The following LRP12 variants were observed in gnomAD, a reference collection of about 807,000 sequenced individuals.
LRP12 encodes the protein low-density lipoprotein receptor-related protein 12.
A neutral mutation model predicts 66.0 loss-of-function variants in LRP12; 14 were observed. That is an observed-to-expected ratio of 0.21 (90% confidence interval 0.14 to 0.33). The LOEUF is 0.33. Among genes scored for constraint, LRP12 ranks in the 10% least tolerant of loss-of-function variants. The probability of loss-of-function intolerance (pLI) is 1.00; values close to 1 mark genes in which losing one functional copy is unlikely to be tolerated. For missense variants in LRP12, 889 were observed against 1,053.4 expected (o/e 0.84, Z 2.16); for synonymous variants, 357 against 359.1 (o/e 0.99, Z 0.07).
chr8:104,491,156 ACT>A lies in LRP12; in HGVS notation c.2095_2096del (p.Ser699TyrfsTer8). 6.2e-7 allele frequency: 1 copy of A among 1,614,052 alleles called. No individual in the cohort carries two copies. The highest frequency in any genetic ancestry group is 8.5e-7 in the Non-Finnish European group (1 of 1,180,008). ...VGACASSSTQSTRGGHADNGR... is the reference protein window; with the variant it reads ...VGACASSSTQXTRGGHADNGR... ...CATTATCTGCATGACCACCTCGGGT[ACT>A]CTGAGTTGAGGAACTTGCACATGCT... On this transcript the variant is annotated frameshift_variant, in exon 7 of 7. Transcript: ENST00000276654. LOFTEE classifies it high-confidence loss of function.
chr8:104,530,155 A>G (rs995581716), intron 2 of LRP12, among the ~76,000 whole-genome samples: 2 of 152,190 alleles, frequency 1.3e-5, no homozygotes, highest in Non-Finnish European at 2.9e-5. Context: ...TAATTGAACT[A>G]ATGAGTTTTA....
Position 104,490,499 on chromosome 8 carries a change from C to T in LRP12, c.*174G>A. 1.6e-6 allele frequency: 1 copy of T among 637,944 alleles called. No homozygotes were observed. The highest frequency in any genetic ancestry group is 2.4e-5 in the South Asian group (1 of 42,098). The allele number at this position is 637,944 out of a possible 1,614,324, so 39.5% of individuals were successfully genotyped here. On this transcript the variant is annotated 3_prime_UTR_variant, in exon 7 of 7. Coordinates refer to ENST00000276654, the MANE Select transcript of LRP12 (RefSeq NM_013437.5). The stretch of plus-strand genomic sequence containing the variant: ...TTTTTAGCTGCTAAAATAGTAAACT[C>T]TAAGTTCATAGAGTTACAAGTTGTC...
chr8:104,512,013 TAA>T (rs1395412482), intron 2 of LRP12, among the ~76,000 whole-genome samples: 1 of 152,200 alleles, frequency 6.6e-6, no homozygotes, highest in Non-Finnish European at 1.5e-5. Context: ...TGTAATTCTT[TAA>T]GAGTTTATTA....
At chr8:104,566,510 C>T (rs1812006836) in intron 1 of LRP12, 1 of 155,580 alleles carries the variant, frequency 6.4e-6, no homozygotes, top group African/African-American at 2.4e-5. Context: ...ATACTATTGA[C>T]ATTTTATAAT....
At chr8:104,565,851 A>G (rs1427417689) in intron 1 of LRP12, among the ~76,000 whole-genome samples, 3 of 139,046 alleles carry the variant, frequency 2.2e-5, no homozygotes, top group Admixed American at 1.4e-4. Context: ...ACAGAGCAAG[A>G]CTCCATCTCA....
intron 2 of LRP12, among the ~76,000 whole-genome samples, chr8:104,530,958 AGGAAAC>A (rs1811317026): frequency 6.6e-6 from 1 of 151,862 alleles, no homozygotes. Flanking sequence ...TTGCGTTTTC[AGGAAAC>A]TAGGCTTGTT....
chr8:104,502,218 G>C (rs986469929), intron 3 of LRP12, among the ~76,000 whole-genome samples: 8 of 152,126 alleles, frequency 5.3e-5, no homozygotes, highest in African/African-American at 1.4e-4. Context: ...ATGACACACA[G>C]AGTTTCATTA....
At chr8:104,543,113 A>C (rs140784851) in intron 1 of LRP12, among the ~76,000 whole-genome samples, 8 of 151,928 alleles carry the variant, frequency 5.3e-5, no homozygotes, top group African/African-American at 9.7e-5. Context: ...AAGGAACTAA[A>C]CTTTTATATA....
chr8:104,565,860 C>CA (rs35650042), intron 1 of LRP12, among the ~76,000 whole-genome samples: 14,203 of 111,762 alleles, frequency 0.13, 1,026 homozygotes, highest in African/African-American at 0.22. Context: ...GACTCCATCT[C>CA]AAAAAAAAAA....
intron 1 of LRP12, among the ~76,000 whole-genome samples, chr8:104,545,476 T>C (rs1564140699): frequency 6.6e-6 from 1 of 152,176 alleles, no homozygotes; most frequent in Admixed American, 6.5e-5. Flanking sequence ...AGGTTTCTGA[T>C]GTGACAAACT....
chr8:104,588,237 C>T (rs971484160), intron 1 of LRP12, among the ~76,000 whole-genome samples: 3 of 152,202 alleles, frequency 2.0e-5, no homozygotes. Flanking sequence ...GCGTGCTGCT[C>T]CCGGGGAACC....
intron 1 of LRP12, among the ~76,000 whole-genome samples, chr8:104,554,557 C>T (rs1811776857): frequency 6.6e-6 from 1 of 151,734 alleles, no homozygotes; most frequent in Admixed American, 6.6e-5. Context: ...TCAAATTAAT[C>T]CAATCTGATA....
chr8:104,543,670 C>T (rs1377505665), intron 1 of LRP12, among the ~76,000 whole-genome samples: 6 of 152,182 alleles, frequency 3.9e-5, no homozygotes, highest in African/African-American at 1.4e-4. Context: ...ACCTGTAATT[C>T]CAGCACTTTG....
At chr8:104,573,729 T>G (rs917738124) in intron 1 of LRP12, among the ~76,000 whole-genome samples, 3 of 151,838 alleles carry the variant, frequency 2.0e-5, no homozygotes, top group African/African-American at 7.3e-5. Flanking sequence ...TTTATACTAC[T>G]TCTAAACACT....
intron 1 of LRP12, among the ~76,000 whole-genome samples, chr8:104,587,980 A>T (rs1812360972): frequency 6.6e-6 from 1 of 152,224 alleles, no homozygotes; most frequent in Non-Finnish European, 1.5e-5. Context: ...TGTTCTTTGC[A>T]ATTAATTCCA....
chr8:104,542,394 T>C (rs1012830534), intron 1 of LRP12, among the ~76,000 whole-genome samples: 5 of 152,208 alleles, frequency 3.3e-5, no homozygotes, highest in Non-Finnish European at 5.9e-5. Context: ...ATTGTAGATA[T>C]TGATCCCTTG....
chr8:104,585,017 A>C lies in LRP12; in HGVS notation c.79+3802T>G, dbSNP rs1183525100. ...ATTTTAGGCTACCACAACATCTAGA[A>C]TACTACTGTGAACAGTAAAGACTCT... is the stretch of plus-strand genomic sequence containing the variant. On this transcript the variant is annotated intron_variant, in intron 1 of 6. Coordinates refer to ENST00000276654, the MANE Select transcript of LRP12 (RefSeq NM_013437.5). Among the ~76,000 whole-genome samples, 6 of 152,352 alleles carry C rather than the reference A, an allele frequency of 3.9e-5. No homozygotes were observed. The South Asian group carries it at 1.2e-3, about 32-fold the overall frequency.
intron 2 of LRP12, among the ~76,000 whole-genome samples, chr8:104,510,029 G>T (rs1487527050): frequency 6.6e-6 from 1 of 152,188 alleles, no homozygotes; most frequent in Non-Finnish European, 1.5e-5. Flanking sequence ...CAAGATTACT[G>T]GCTTTGGCCA....
intron 3 of LRP12, chr8:104,504,522 A>G (rs1401471099): frequency 2.6e-5 from 4 of 152,164 alleles, no homozygotes; most frequent in African/African-American, 9.6e-5. Context: ...TATTTAAAAA[A>G]TATTTGGTCC....
Sources: allele counts gnomAD v4.1 joint callset (sites outside exome capture counted in the v4.1 genomes callset), GRCh38; gene constraint gnomAD v4.1.1; transcripts MANE v1.5; gene names NCBI Gene and HGNC (gene_info 2026-07-23, HGNC 2026-07-21).